ERBB4: variants seen among roughly 807,000 people sequenced by gnomAD.
The protein encoded by ERBB4 is erb-b2 receptor tyrosine kinase 4.
ERBB4 carries 42 observed loss-of-function variants against 158.0 expected under a neutral mutation model. The observed-to-expected ratio is 0.27, with a 90% CI of 0.21 to 0.34. The LOEUF (loss-of-function observed/expected upper bound fraction) is 0.34, where lower values mean the gene tolerates loss of function less well. Ranked by LOEUF, ERBB4 falls within the 10% of genes least tolerant of loss-of-function variation. The pLI, the probability that ERBB4 is intolerant of heterozygous loss-of-function variation, is 1.00. For synonymous variants in ERBB4, 583 were observed against 558.7 expected, an observed-to-expected ratio of 1.04 and a Z score of -0.61; for missense variants, 1,333 against 1,624.1, an observed-to-expected ratio of 0.82 and a Z score of 3.08.
chr2:212,272,166 A>G (rs562716026), intron 1 of ERBB4, among the ~76,000 whole-genome samples: 2 of 151,808 alleles, frequency 1.3e-5, no homozygotes, highest in Non-Finnish European at 2.9e-5. Context: ...AAACATATAT[A>G]TTTATATCTG....
intron 1 of ERBB4, among the ~76,000 whole-genome samples, chr2:212,469,352 A>C (rs944254567): frequency 5.3e-5 from 8 of 152,202 alleles, no homozygotes; most frequent in Non-Finnish European, 8.8e-5. Context: ...TAGTTTTATA[A>C]GATTAGGCAC....
intron 3 of ERBB4, among the ~76,000 whole-genome samples, chr2:211,845,764 A>C (rs2077573358): frequency 6.6e-6 from 1 of 152,150 alleles, no homozygotes; most frequent in Non-Finnish European, 1.5e-5. Context: ...TGCAAAACGT[A>C]CTCATCTATT....
At chr2:211,908,383 A>G (rs2079452816) in intron 3 of ERBB4, among the ~76,000 whole-genome samples, 1 of 151,824 alleles carries the variant, frequency 6.6e-6, no homozygotes. Flanking sequence ...TAGGATGAAG[A>G]ACAATTACGT....
chr2:211,484,997 A>G (rs2065169056), intron 20 of ERBB4, among the ~76,000 whole-genome samples: 1 of 152,192 alleles, frequency 6.6e-6, no homozygotes, highest in South Asian at 2.1e-4. Flanking sequence ...ACTGAAAGTG[A>G]ACATAGTCTG....
intron 4 of ERBB4, among the ~76,000 whole-genome samples, chr2:211,770,904 G>A (rs1010743588): frequency 3.3e-5 from 5 of 152,076 alleles, no homozygotes; most frequent in African/African-American, 7.2e-5. Flanking sequence ...TAGAAGTTTC[G>A]CAAAACAACA....
intron 1 of ERBB4, among the ~76,000 whole-genome samples, chr2:212,192,044 A>G (rs1205661269): frequency 1.8e-5 from 1 of 56,286 alleles, no homozygotes; most frequent in Non-Finnish European, 4.2e-5. Context: ...TATGTTATAT[A>G]TATGTTATAT....
In ERBB4 at chr2:212,538,630, G is replaced by T. The variant is rs1297680271; in HGVS notation, c.-100C>A. Reference sequence around the variant, plus strand: ...AGATCCCCCAGCCGGGCGCGCGTGGGGGTGCGAGGGGGGCGGGCGCGGCGC... The same window carrying T: ...AGATCCCCCAGCCGGGCGCGCGTGGTGGTGCGAGGGGGGCGGGCGCGGCGC... On this transcript the variant is annotated 5_prime_UTR_variant, in exon 1 of 28. Transcript: ENST00000342788. 5 of 1,247,914 alleles carry T rather than the reference G, an allele frequency of 4.0e-6. No individual in the cohort carries two copies. The highest frequency in any genetic ancestry group is 3.6e-5 in the Admixed American group (2 of 55,924). 77.3% of individuals were successfully genotyped at this position (1,247,914 alleles called of 1,614,324 possible). A position where few individuals can be genotyped will look rare whatever the true frequency, so the allele number is the denominator to read the frequency against.
intron 1 of ERBB4, among the ~76,000 whole-genome samples, chr2:212,201,771 T>C (rs1404623869): frequency 6.6e-6 from 1 of 152,230 alleles, no homozygotes; most frequent in African/African-American, 2.4e-5. Context: ...TATGACTTGC[T>C]GTCTAGAAAG....
chr2:211,530,399 G>T (rs952424619), intron 20 of ERBB4, among the ~76,000 whole-genome samples: 1 of 152,048 alleles, frequency 6.6e-6, no homozygotes, highest in African/African-American at 2.4e-5. Context: ...ATTCAATATT[G>T]TTAAAATGTC....
intron 1 of ERBB4, among the ~76,000 whole-genome samples, chr2:212,271,161 G>A (rs1206095993): frequency 8.3e-6 from 1 of 120,254 alleles, no homozygotes; most frequent in African/African-American, 2.6e-5. Flanking sequence ...TTACAGAATG[G>A]AAAATCTATG....
intron 2 of ERBB4, among the ~76,000 whole-genome samples, chr2:212,084,880 G>A (rs977695848): frequency 6.6e-6 from 1 of 151,946 alleles, no homozygotes; most frequent in Non-Finnish European, 1.5e-5. Context: ...GGTAGAAAGA[G>A]CATGATATTG....
At chr2:212,007,005 T>C (rs1318994335) in intron 2 of ERBB4, among the ~76,000 whole-genome samples, 1 of 152,036 alleles carries the variant, frequency 6.6e-6, no homozygotes, top group African/African-American at 2.4e-5. Context: ...AATGAATGGC[T>C]GCAGATTTGC....
At chr2:212,450,833 A>C (rs1037475546) in intron 1 of ERBB4, among the ~76,000 whole-genome samples, 2 of 151,786 alleles carry the variant, frequency 1.3e-5, no homozygotes, top group South Asian at 4.2e-4. Flanking sequence ...AAAAAAAAAA[A>C]AAAAAAACAA....
rs2062516720 is a variant in ERBB4, at chr2:211,378,429, G to A, written c.*5186C>T. 4.3e-6 allele frequency: 1 copy of A among 232,522 alleles called. No individual in the cohort carries two copies. Among genetic ancestry groups the A allele is most frequent in the African/African-American group, 2.2e-5 (1 of 45,276 alleles). 14.4% of individuals were successfully genotyped at this position (232,522 alleles called of 1,614,324 possible). A position where few individuals can be genotyped will look rare whatever the true frequency, so the allele number is the denominator to read the frequency against. On this transcript the variant is annotated 3_prime_UTR_variant, in exon 28 of 28. Transcript: ENST00000342788. ...CTACAAAATCAGTGAGACTTGAACC[G>A]AGTATCTGAAATTTCTATTATTTTA...
chr2:211,577,290 T>C (rs1172262065), intron 19 of ERBB4, among the ~76,000 whole-genome samples: 1 of 152,166 alleles, frequency 6.6e-6, no homozygotes, highest in Non-Finnish European at 1.5e-5. Context: ...AGGTTGGTAC[T>C]AGGGCTTGGA....
At chr2:211,558,111 G>A (rs969389352) in intron 20 of ERBB4, among the ~76,000 whole-genome samples, 4 of 152,126 alleles carry the variant, frequency 2.6e-5, no homozygotes, top group African/African-American at 9.7e-5. Context: ...CCTACCTTAG[G>A]GTGAAAGGTG....
chr2:211,841,857 G>A (rs180784233), intron 3 of ERBB4, among the ~76,000 whole-genome samples: 2 of 152,144 alleles, frequency 1.3e-5, no homozygotes, highest in Admixed American at 1.3e-4. Flanking sequence ...GTTGCACAGT[G>A]GGAACTTGTA....
intron 12 of ERBB4, among the ~76,000 whole-genome samples, chr2:211,682,917 T>A (rs780708069): frequency 9.9e-5 from 15 of 151,850 alleles, no homozygotes; most frequent in Non-Finnish European, 2.1e-4. Flanking sequence ...ATCTTAGTTT[T>A]TTTTTTCCTG....
chr2:212,073,880 T>C (rs578245334), intron 2 of ERBB4, among the ~76,000 whole-genome samples: 60 of 152,158 alleles, frequency 3.9e-4, no homozygotes, highest in Admixed American at 1.4e-3. Flanking sequence ...TGAAAATATG[T>C]TTAACACATT....
Sources: gnomAD v4.1 joint callset for allele counts (sites outside exome capture counted in the v4.1 genomes callset) on GRCh38, gnomAD v4.1.1 for gene constraint, MANE v1.5 for transcripts, NCBI Gene and HGNC (gene_info 2026-07-23, HGNC 2026-07-21) for gene names.